Variants in SQSTM1 observed in about 807,000 individuals in gnomAD.
SQSTM1 encodes sequestosome-1.
Under a neutral mutation model 45.1 loss-of-function variants are expected in SQSTM1, and 36 were observed. That is an observed-to-expected ratio of 0.80 (90% CI 0.61 to 1.05). SQSTM1 has a LOEUF of 1.05. Among genes scored for constraint, SQSTM1 ranks in the 50% least tolerant of loss-of-function variants. The pLI is 0.00. For missense variants in SQSTM1, 617 were observed against 607.1 expected, an observed-to-expected ratio of 1.02 and a Z score of -0.17; for synonymous variants, 290 against 244.3, an observed-to-expected ratio of 1.19 and a Z score of -1.74.
chr5:179,833,717 T>C lies in SQSTM1; in HGVS notation c.1100T>C (p.Leu367Pro). ...QMPESEGPSS[L>P]DPSQEGPTGL... ...CCAGAATCCGAAGGGCCAAGCTCTC[T>C]GGACCCCTCCCAGGAGGGACCCACA... Residue 367 changes from leucine to proline, a missense_variant, in exon 7 of 8, where the codon CTG becomes CCG. Leu to Pro is a moderately conservative substitution (Grantham distance 98). Coordinates refer to ENST00000389805, the MANE Select transcript of SQSTM1 (RefSeq NM_003900.5). The C allele has an allele frequency of 6.2e-7, 1 of 1,614,152 alleles. No individual in the cohort carries two copies. The highest frequency in any genetic ancestry group is 8.5e-7 in the Non-Finnish European group (1 of 1,180,020).
In SQSTM1 at chr5:179,833,072, A is replaced by G; in HGVS notation, c.795A>G (p.Arg265=). 1 of 1,614,192 alleles carries G rather than the reference A, an allele frequency of 6.2e-7. No homozygotes were observed. The highest frequency in any genetic ancestry group is 8.5e-7 in the Non-Finnish European group (1 of 1,180,034). Residue 265 remains arginine (R), a synonymous_variant, in exon 6 of 8, where the codon AGA becomes AGG. Transcript: ENST00000389805. The stretch of plus-strand genomic sequence containing the variant: ...TCGATGTGGAGCACGGAGGGAAAAG[A>G]AGCCGCCTGACCCCCGTCTCTCCAG... The part of the protein sequence containing the change: ...VDIDVEHGGK[R]SRLTPVSPES...
rs869101530 is a variant in SQSTM1 at position 179,821,153 on chromosome 5, G to T, written c.205+12G>T. Reference sequence around the variant, plus strand: ...GGCGCACTACCGCGGTGAGCGGGCCGGGGAGCGGCGGGGGCGGTGACGCAG... The same window carrying T: ...GGCGCACTACCGCGGTGAGCGGGCCTGGGAGCGGCGGGGGCGGTGACGCAG... On this transcript the variant is annotated intron_variant, in intron 1 of 7. Coordinates refer to ENST00000389805, the MANE Select transcript of SQSTM1 (RefSeq NM_003900.5). 1.5e-6 allele frequency: 2 copies of T among 1,330,734 alleles called. No homozygotes were observed. The highest frequency in any genetic ancestry group is 1.9e-6 in the Non-Finnish European group (2 of 1,045,700). 82.4% of individuals were successfully genotyped at this position (1,330,734 alleles called of 1,614,324 possible).
In SQSTM1 at chr5:179,837,784, C is replaced by T; in HGVS notation, c.*1191C>T. 6.2e-7 allele frequency: 1 copy of T among 1,614,200 alleles called. No individual in the cohort carries two copies. On this transcript the variant is annotated 3_prime_UTR_variant, in exon 8 of 8. Coordinates refer to ENST00000389805, the MANE Select transcript of SQSTM1 (RefSeq NM_003900.5). Reference sequence around the variant, plus strand: ...CCTGCTGGATGGGACTCCATAGCTCCTTCCCAGGACCCCTCAGCTCCCCGG... The same window carrying T: ...CCTGCTGGATGGGACTCCATAGCTCTTTCCCAGGACCCCTCAGCTCCCCGG...
chr5:179,818,659 G>A (rs1370276613), upstream of SQSTM1, among the ~76,000 whole-genome samples: 4 of 152,156 alleles, frequency 2.6e-5, no homozygotes, highest in Non-Finnish European at 5.9e-5. Context: ...CCCCCCTGCA[G>A]TCTCTGTCCT....
In SQSTM1 at chr5:179,806,457, A is replaced by T. The variant is rs1272046221; in HGVS notation, c.-291A>T. The T allele has an allele frequency of 1.4e-5, 17 of 1,216,666 alleles. No individual in the cohort carries two copies. The highest frequency in any genetic ancestry group is 1.7e-5 in the Non-Finnish European group (16 of 951,948). 75.4% of individuals were successfully genotyped at this position (1,216,666 alleles called of 1,614,324 possible). A position where few individuals can be genotyped will look rare whatever the true frequency, so the allele number is the denominator to read the frequency against. On this transcript the variant is annotated 5_prime_UTR_variant, in exon 1 of 6. Coordinates refer to the SQSTM1 transcript ENST00000514093. This position sits in a 1 kb window ranked among gnomAD's most constrained non-coding sequence, Gnocchi z 4.6. Reference sequence around the variant, plus strand: ...CCCGCCGCCGACGCCCAGGTGCGCCAGGTGCGGGCCGGGCGGGGGTCGCGC... The same window carrying T: ...CCCGCCGCCGACGCCCAGGTGCGCCTGGTGCGGGCCGGGCGGGGGTCGCGC...
At chr5:179,808,518 A>G (rs1165862568) in intron 1 of SQSTM1, 2 of 152,214 alleles carry the variant, frequency 1.3e-5, no homozygotes, top group African/African-American at 4.8e-5. Context: ...ACTTAATGTT[A>G]AAACTTAGTC....
In SQSTM1 at chr5:179,829,880, G is replaced by C. The variant is rs976424099; in HGVS notation, c.755-3152G>C. Among the ~76,000 whole-genome samples, 55 of 152,180 alleles carry C rather than the reference G, an allele frequency of 3.6e-4. 2 individuals are homozygous for C. Among genetic ancestry groups the C allele is most frequent in the Non-Finnish European group, 4.4e-5 (3 of 68,038 alleles). ...GGAGACCAAGGCAGGCAGATGACTT[G>C]AGCTCACGAGTTTGAGACCAGCCTT... is the stretch of plus-strand genomic sequence containing the variant. On this transcript the variant is annotated intron_variant, in intron 5 of 7. Coordinates refer to ENST00000389805, the MANE Select transcript of SQSTM1 (RefSeq NM_003900.5).
chr5:179,834,489 T>C (rs1341216068), intron 7 of SQSTM1, among the ~76,000 whole-genome samples: 4 of 151,662 alleles, frequency 2.6e-5, no homozygotes, highest in African/African-American at 4.9e-5. Flanking sequence ...CATAGGACAA[T>C]AGTGGAGGGA....
In SQSTM1 at chr5:179,837,811, A is replaced by G; in HGVS notation, c.*1218A>G. 6.2e-7 allele frequency: 1 copy of G among 1,613,772 alleles called. No homozygotes were observed. Among genetic ancestry groups the G allele is most frequent in the Non-Finnish European group, 8.5e-7 (1 of 1,180,038 alleles). On this transcript the variant is annotated 3_prime_UTR_variant, in exon 8 of 8. Coordinates refer to ENST00000389805, the MANE Select transcript of SQSTM1 (RefSeq NM_003900.5). ...TCCCAGGACCCCTCAGCTCCCCGGCACTGCAGTCTGCAGAGTTCTCCTGGA... is the reference window on the plus strand; with the variant it reads ...TCCCAGGACCCCTCAGCTCCCCGGCGCTGCAGTCTGCAGAGTTCTCCTGGA...
At chr5:179,836,252 G>C (rs768110254) in intron 7 of SQSTM1, 184 bp from the exon 8 acceptor site, 10 of 764,626 alleles carry the variant, frequency 1.3e-5, no homozygotes, top group Non-Finnish European at 2.0e-5. Context: ...TGAGCAGTGT[G>C]AAAAAGACTG....
chr5:179,834,560 G>A (rs1371582960), intron 7 of SQSTM1, among the ~76,000 whole-genome samples: 1 of 151,016 alleles, frequency 6.6e-6, no homozygotes, highest in Non-Finnish European at 1.5e-5. Context: ...GGACCCTGCG[G>A]CCTTCCGCAG....
Position 179,837,698 on chromosome 5 carries a change from A to C in SQSTM1, c.*1105A>C, listed in dbSNP as rs867515164. Reference sequence around the variant, plus strand: ...AAGAGACCTTGGCTGCTCACTGTCCACATGTGAACTTTTTCTAGGTGGCAG... The same window carrying C: ...AAGAGACCTTGGCTGCTCACTGTCCCCATGTGAACTTTTTCTAGGTGGCAG... On this transcript the variant is annotated 3_prime_UTR_variant, in exon 8 of 8. Coordinates refer to ENST00000389805, the MANE Select transcript of SQSTM1 (RefSeq NM_003900.5). 2.5e-6 allele frequency: 4 copies of C among 1,614,224 alleles called. No individual in the cohort carries two copies. In the African/African-American group the frequency reaches 5.3e-5, roughly 22 times the overall value.
At chr5:179,813,008 G>T (rs939299638) in intron 2 of SQSTM1, 1 of 129,636 alleles carries the variant, frequency 7.7e-6, no homozygotes, top group African/African-American at 3.0e-5. Flanking sequence ...AAAAAAAAAA[G>T]AAAAGAAAAA....
chr5:179,834,246 G>GT (rs1758396816), intron 7 of SQSTM1, among the ~76,000 whole-genome samples: 1 of 109,464 alleles, frequency 9.1e-6, no homozygotes, highest in Non-Finnish European at 1.9e-5. Flanking sequence ...TGGGGGGGTG[G>GT]GGGGTGGGGA....
rs2113479832 is a variant in SQSTM1 at position 179,821,052 on chromosome 5, C to CG, written c.119dup (p.Pro41SerfsTer30). ...CCTGAGGCGGAAGCCGAGGCTGCGG[C>CG]GGGTCCGGGACCCTGCGAGCGGCTG... On this transcript the variant is annotated frameshift_variant, in exon 1 of 8. Coordinates refer to ENST00000389805, the MANE Select transcript of SQSTM1 (RefSeq NM_003900.5). LOFTEE classifies it high-confidence loss of function. 1 of 1,535,892 alleles carries CG rather than the reference C, an allele frequency of 6.5e-7. No individual in the cohort carries two copies. Among genetic ancestry groups the CG allele is most frequent in the South Asian group, 1.2e-5 (1 of 84,038 alleles).
intron 5 of SQSTM1, among the ~76,000 whole-genome samples, chr5:179,826,926 A>G (rs565280): frequency 0.65 from 98,430 of 151,974 alleles, 33,043 homozygotes; most frequent in African/African-American, 0.81. Context: ...AAACAGTGGA[A>G]CACCGAGGTC....
chr5:179,820,852 C>CG (rs1757744998), upstream of SQSTM1: 24 of 1,267,302 alleles, frequency 1.9e-5, no homozygotes, highest in East Asian at 3.8e-4. Context: ...CCTCTCGAGG[C>CG]GGGGCGGGGC....
At chr5:179,811,095 T>C (rs1018460369) in intron 1 of SQSTM1, among the ~76,000 whole-genome samples, 2 of 151,332 alleles carry the variant, frequency 1.3e-5, no homozygotes, top group African/African-American at 4.9e-5. Context: ...TAGCCGGGAG[T>C]GGTGGCGGGC....
intron 7 of SQSTM1, chr5:179,836,113 A>G (rs1288085883): frequency 1.1e-5 from 5 of 468,644 alleles, no homozygotes; most frequent in Non-Finnish European, 2.0e-5. Flanking sequence ...GAGGAGTGTA[A>G]TAATTGGCTA....
Sources: gnomAD v4.1 joint callset for allele counts (sites outside exome capture counted in the v4.1 genomes callset) on GRCh38, gnomAD v4.1.1 for gene constraint, Gnocchi (gnomAD v3.1) non-coding constraint, MANE v1.5 for transcripts, NCBI Gene and HGNC (gene_info 2026-07-23, HGNC 2026-07-21) for gene names.